The following FAM114A2 variants were observed in gnomAD, a reference collection of about 807,000 sequenced individuals.
The protein encoded by FAM114A2 is family with sequence similarity 114 member A2, also known as protein FAM114A2.
In FAM114A2, 53 loss-of-function variants were observed where a neutral mutation model predicts 58.4. The ratio of observed to expected loss-of-function variants is 0.91; its 90% CI spans 0.73 to 1.14. The LOEUF (loss-of-function observed/expected upper bound fraction) is 1.14. Ranked by LOEUF, FAM114A2 falls within the 50% of genes most tolerant of loss-of-function variation. The pLI is 0.00. For synonymous variants in FAM114A2, 228 were observed against 211.4 expected, an observed-to-expected ratio of 1.08 and a Z score of -0.68; for missense variants, 601 against 581.1, an observed-to-expected ratio of 1.03 and a Z score of -0.35.
rs1328934167 is a variant in FAM114A2, at chr5:154,028,267, C to T, written c.512G>A (p.Ser171Asn). ...AVQSTGKSVI[S>N]GGLDALEFIG... ...GAATTCTAAGGCATCCAAACCCCCACTTATAACACTCTTTCCCTAGAAAAT... is the reference window on the plus strand; with the variant it reads ...GAATTCTAAGGCATCCAAACCCCCATTTATAACACTCTTTCCCTAGAAAAT... Residue 171 changes from serine (S) to asparagine (N), a missense_variant, in exon 6 of 14, where the codon AGT (serine) becomes AAT (asparagine). Physicochemically the swap from Ser to Asn is conservative, Grantham distance 46. Transcript: ENST00000351797. 3 of 1,600,600 alleles carry T rather than the reference C, an allele frequency of 1.9e-6. No homozygotes were observed. The highest frequency in any genetic ancestry group is 1.1e-5 in the South Asian group (1 of 90,102).
intron 8 of FAM114A2, among the ~76,000 whole-genome samples, chr5:154,019,065 C>T (rs996236957): frequency 1.3e-5 from 2 of 152,044 alleles, no homozygotes; most frequent in African/African-American, 4.8e-5. Flanking sequence ...CCAGAGCAAT[C>T]AGAGAAAGAA....
chr5:154,017,886 G>A (rs1479800895), intron 8 of FAM114A2, among the ~76,000 whole-genome samples: 2 of 152,204 alleles, frequency 1.3e-5, no homozygotes, highest in East Asian at 3.9e-4. Flanking sequence ...AATGACAATA[G>A]CGATACAACC....
chr5:154,025,451 T>TA lies in FAM114A2; in HGVS notation c.913+947dup, dbSNP rs1771712677. Among the ~76,000 whole-genome samples, 4 of 152,282 alleles carry TA rather than the reference T, an allele frequency of 2.6e-5. No individual in the cohort carries two copies. In the South Asian group the frequency reaches 8.3e-4, roughly 32 times the overall value. ...CAGAAAAAAAACTCATTATAATTTT[T>TA]AAAAAATTCCTAAGTAGACAACATC... is the stretch of plus-strand genomic sequence containing the variant. On this transcript the variant is annotated intron_variant, in intron 8 of 13. Transcript: ENST00000351797.
intron 8 of FAM114A2, among the ~76,000 whole-genome samples, chr5:154,019,777 T>C (rs1771279399): frequency 6.6e-6 from 1 of 152,052 alleles, no homozygotes. Context: ...AAACATGAAG[T>C]AGGGAAAGGA....
chr5:154,002,349 A>G lies in FAM114A2; in HGVS notation c.1158T>C (p.Thr386=). 1 of 1,614,048 alleles carries G rather than the reference A, an allele frequency of 6.2e-7. No homozygotes were observed. The highest frequency in any genetic ancestry group is 8.5e-7 in the Non-Finnish European group (1 of 1,179,892). ...AFAIRSLAEL[T]ACSIELFHKT... ...TGTGGAATAGTTCAATTGAGCAGGC[A>G]GTCAGTTCAGCCAGGCTCCGGATTG... The change falls in exon 11 of 14, where the codon ACT becomes ACC. Residue 386 remains threonine, a synonymous_variant. Coordinates refer to ENST00000351797, the MANE Select transcript of FAM114A2 (RefSeq NM_018691.4).
intron 12 of FAM114A2, 68 bp from the exon 13 acceptor site, chr5:153,995,040 A>T (rs1055713134): frequency 1.1e-6 from 1 of 927,870 alleles, no homozygotes; most frequent in East Asian, 2.4e-5. Flanking sequence ...GTACGATCAC[A>T]CTTTAAAACA....
Position 153,991,167 on chromosome 5 carries a change from T to C in FAM114A2, c.*1809A>G, listed in dbSNP as rs574772549. On this transcript the variant is annotated 3_prime_UTR_variant, in exon 14 of 14. Transcript: ENST00000351797. ...CCTTATGTGAGACCTAATCTAAAATTTGCCAAATTCAGGGCTGAAATCTGA... is the reference window on the plus strand; with the variant it reads ...CCTTATGTGAGACCTAATCTAAAATCTGCCAAATTCAGGGCTGAAATCTGA... 2.6e-4 allele frequency: 40 copies of C among 152,274 alleles called. No individual in the cohort carries two copies. The highest frequency in any genetic ancestry group is 9.6e-4 in the African/African-American group (40 of 41,558). 9.4% of individuals were successfully genotyped at this position (152,274 alleles called of 1,614,324 possible).
intron 8 of FAM114A2, among the ~76,000 whole-genome samples, chr5:154,013,937 A>G (rs1243885412): frequency 1.3e-5 from 2 of 152,218 alleles, no homozygotes; most frequent in African/African-American, 4.8e-5. Context: ...AATCCTTATT[A>G]CTTGAGAGGA....
intron 9 of FAM114A2, among the ~76,000 whole-genome samples, chr5:154,003,177 G>GCTTT (rs369892098): frequency 7.4e-6 from 1 of 134,878 alleles, no homozygotes; most frequent in Non-Finnish European, 1.6e-5. Flanking sequence ...CTAATTGGTA[G>GCTTT]TATTTTTTTT....
intron 9 of FAM114A2, among the ~76,000 whole-genome samples, chr5:154,005,879 T>G (rs1339178398): frequency 1.3e-5 from 2 of 152,198 alleles, no homozygotes; most frequent in Admixed American, 6.5e-5. Context: ...AAAACAGGTT[T>G]TATTACACAT....
chr5:154,008,424 GA>G (rs1309354884), intron 9 of FAM114A2, among the ~76,000 whole-genome samples: 7 of 152,094 alleles, frequency 4.6e-5, no homozygotes, highest in Admixed American at 2.6e-4. Flanking sequence ...TCCCTTATAT[GA>G]AAATCCAAAA....
At position 154,017,904 on chromosome 5, in the gene FAM114A2, A is replaced by G. The variant is rs754999495; in HGVS notation, c.914-6584T>C. Among the ~76,000 whole-genome samples, 61 of 152,268 alleles carry G rather than the reference A, an allele frequency of 4.0e-4. 1 individual carries two copies. The highest frequency in any genetic ancestry group is 1.4e-3 in the African/African-American group (60 of 41,558). ...GACAATAGCGATACAACCTATCAAA[A>G]CCTCTGGGATACTGCTAGGAGGAAA... On this transcript the variant is annotated intron_variant, in intron 8 of 13. Coordinates refer to ENST00000351797, the MANE Select transcript of FAM114A2 (RefSeq NM_018691.4).
chr5:154,026,950 CTTTT>C (rs1250912580), intron 7 of FAM114A2, among the ~76,000 whole-genome samples: 1 of 150,674 alleles, frequency 6.6e-6, no homozygotes, highest in East Asian at 1.9e-4. Flanking sequence ...CTTTGTTAAC[CTTTT>C]TTGTTTAAAT....
intron 9 of FAM114A2, among the ~76,000 whole-genome samples, chr5:154,004,912 G>C (rs79663109): frequency 0.011 from 1,719 of 152,112 alleles, 43 homozygotes; most frequent in African/African-American, 0.039. Context: ...CTCTTTACAT[G>C]ATGTAACAGG....
intron 8 of FAM114A2, among the ~76,000 whole-genome samples, chr5:154,015,224 T>C (rs1770959530): frequency 6.6e-6 from 1 of 152,082 alleles, no homozygotes; most frequent in Non-Finnish European, 1.5e-5. Flanking sequence ...TATATACTCT[T>C]GGGAGTTCTA....
At chr5:153,997,907 T>C (rs750088111) in intron 11 of FAM114A2, 32 bp from the exon 12 acceptor site, 21 of 1,329,158 alleles carry the variant, frequency 1.6e-5, no homozygotes, top group Non-Finnish European at 2.2e-5. Context: ...AGAAACGTTT[T>C]TTCTTTTTTT....
chr5:154,015,817 C>T (rs1771001888), intron 8 of FAM114A2, among the ~76,000 whole-genome samples: 1 of 151,894 alleles, frequency 6.6e-6, no homozygotes, highest in Admixed American at 6.6e-5. Context: ...AGTAATTAAG[C>T]TAATCAAGGA....
Position 153,992,956 on chromosome 5 carries a change from G to C in FAM114A2, c.*20C>G. On this transcript the variant is annotated 3_prime_UTR_variant, in exon 14 of 14. Coordinates refer to ENST00000351797, the MANE Select transcript of FAM114A2 (RefSeq NM_018691.4). ...CATTCCTTGGCCGTCACAAGTCCCA[G>C]GTCAAAACGTCTCCATTCTTCAATG... 2 of 1,604,896 alleles carry C rather than the reference G, an allele frequency of 1.2e-6. No homozygotes were observed. The highest frequency in any genetic ancestry group is 1.7e-6 in the Non-Finnish European group (2 of 1,174,550).
chr5:154,028,396 A>G (rs1373763388), intron 5 of FAM114A2, 113 bp from the exon 6 acceptor site: 5 of 689,972 alleles, frequency 7.2e-6, no homozygotes, highest in Non-Finnish European at 1.2e-5. Flanking sequence ...AGCACTGGCA[A>G]GAATGTAAAG....
Sources: gnomAD v4.1 joint callset for allele counts (sites outside exome capture counted in the v4.1 genomes callset) on GRCh38, gnomAD v4.1.1 for gene constraint, MANE v1.5 for transcripts, NCBI Gene and HGNC (gene_info 2026-07-23, HGNC 2026-07-21) for gene names.